Variants in BRIP1 observed in about 807,000 individuals in gnomAD.
BRIP1 encodes Fanconi anemia group J protein.
Under a neutral mutation model 119.7 loss-of-function variants are expected in BRIP1, and 88 were observed. That is an observed-to-expected ratio of 0.74 (90% confidence interval 0.62 to 0.88). The LOEUF is 0.88. Among genes scored for constraint, BRIP1 ranks in the 40% least tolerant of loss-of-function variants. BRIP1 has a pLI of 0.00. For synonymous variants in BRIP1, 443 were observed against 496.5 expected, an observed-to-expected ratio of 0.89 and a Z score of 1.43; for missense variants, 1,259 against 1,455.4, an observed-to-expected ratio of 0.87 and a Z score of 2.20.
intron 18 of BRIP1, among the ~76,000 whole-genome samples, chr17:61,688,106 G>T (rs1472586245): frequency 6.6e-6 from 1 of 152,132 alleles, no homozygotes; most frequent in Non-Finnish European, 1.5e-5. Flanking sequence ...GAGCTGTCTA[G>T]GGACTCGTTT....
rs1204992790 is a variant in BRIP1, at chr17:61,734,171, A to T, written c.2379+8842T>A. ...AATTGGAGAGGTGGATGCCTCAATTATAAAGCTGAATACTCCTGTGGTTGT... is the reference window on the plus strand; with the variant it reads ...AATTGGAGAGGTGGATGCCTCAATTTTAAAGCTGAATACTCCTGTGGTTGT... On this transcript the variant is annotated intron_variant, in intron 16 of 19. Coordinates refer to ENST00000259008, the MANE Select transcript of BRIP1 (RefSeq NM_032043.3). The surrounding 1 kb of genome is among the most constrained non-coding windows in gnomAD (Gnocchi z 5.2). 6.6e-6 allele frequency among the ~76,000 whole-genome samples: 1 copy of T among 152,232 alleles called. No homozygotes were observed. Among genetic ancestry groups the T allele is most frequent in the African/African-American group, 2.4e-5 (1 of 41,474 alleles).
chr17:61,798,995 G>C lies in BRIP1; in HGVS notation c.1340+105C>G. 3 of 1,057,988 alleles carry C rather than the reference G, an allele frequency of 2.8e-6. No homozygotes were observed. The highest frequency in any genetic ancestry group is 1.4e-6 in the Non-Finnish European group (1 of 689,854). 65.5% of individuals were successfully genotyped at this position (1,057,988 alleles called of 1,614,324 possible). A position where few individuals can be genotyped will look rare whatever the true frequency, so the allele number is the denominator to read the frequency against. ...TGGCAAGGAACAATTCATTTCCCAA[G>C]AAGCCTAGTTAACCAAAGTTTACTA... is the stretch of plus-strand genomic sequence containing the variant. On this transcript the variant is annotated intron_variant, in intron 9 of 19. Transcript: ENST00000259008. This position sits in a 1 kb window ranked among gnomAD's most constrained non-coding sequence, Gnocchi z 5.5.
At position 61,691,099 on chromosome 17, in the gene BRIP1, G is replaced by C. The variant is rs1010163973; in HGVS notation, c.2575+2331C>G. On this transcript the variant is annotated intron_variant, in intron 18 of 19. Coordinates refer to ENST00000259008, the MANE Select transcript of BRIP1 (RefSeq NM_032043.3). The surrounding 1 kb of genome is among the most constrained non-coding windows in gnomAD (Gnocchi z 5.0). Reference sequence around the variant, plus strand: ...GGGCCTGTTGTGGGGTGGGGGGAGAGGGGGGAGGGATAGCATTAGGAGATA... The same window carrying C: ...GGGCCTGTTGTGGGGTGGGGGGAGACGGGGGAGGGATAGCATTAGGAGATA... Among the ~76,000 whole-genome samples, 18 of 149,048 alleles carry C rather than the reference G, an allele frequency of 1.2e-4. No individual in the cohort carries two copies. In the East Asian group the frequency reaches 3.4e-3, roughly 28 times the overall value.
intron 17 of BRIP1, among the ~76,000 whole-genome samples, chr17:61,696,616 T>G (rs1173347952): frequency 6.8e-6 from 1 of 146,084 alleles, no homozygotes; most frequent in Admixed American, 7.0e-5. Flanking sequence ...ACCTGGGAGG[T>G]AGAGGTTGCA....
Position 61,709,009 on chromosome 17 carries a change from A to T in BRIP1, c.2492+6942T>A, listed in dbSNP as rs945691468. Among the ~76,000 whole-genome samples the T allele has an allele frequency of 6.6e-6, 1 of 152,218 alleles. No homozygotes were observed. Among genetic ancestry groups the T allele is most frequent in the Admixed American group, 6.5e-5 (1 of 15,278 alleles). On this transcript the variant is annotated intron_variant, in intron 17 of 19. Coordinates refer to ENST00000259008, the MANE Select transcript of BRIP1 (RefSeq NM_032043.3). The surrounding 1 kb of genome is among the most constrained non-coding windows in gnomAD (Gnocchi z 5.0). ...AGCTGTGCCTGGTGTTGAAGAATAC[A>T]GAGTCTCTGTTGTTCAACCTTTCCA... is the stretch of plus-strand genomic sequence containing the variant.
chr17:61,786,440 T>A (rs1303982280), intron 10 of BRIP1, among the ~76,000 whole-genome samples: 2 of 151,830 alleles, frequency 1.3e-5, no homozygotes, highest in Admixed American at 1.3e-4. Context: ...GAGGAATGCT[T>A]TTCTCAACAG....
At position 61,768,310 on chromosome 17, in the gene BRIP1, A is replaced by T. The variant is rs749319590; in HGVS notation, c.2097+8091T>A. Among the ~76,000 whole-genome samples, 163 of 152,226 alleles carry T rather than the reference A, an allele frequency of 1.1e-3. No homozygotes were observed. Among genetic ancestry groups the T allele is most frequent in the Admixed American group, 3.8e-3 (58 of 15,280 alleles). ...TATTTTGGTATTTTAAAGAAATTCA[A>T]CTAAAGATATTTAAAGTTCTTTCTC... On this transcript the variant is annotated intron_variant, in intron 14 of 19. Coordinates refer to ENST00000259008, the MANE Select transcript of BRIP1 (RefSeq NM_032043.3). The surrounding 1 kb of genome is among the most constrained non-coding windows in gnomAD (Gnocchi z 5.0).
intron 10 of BRIP1, among the ~76,000 whole-genome samples, chr17:61,791,041 A>G (rs2077808312): frequency 6.6e-6 from 1 of 152,240 alleles, no homozygotes; most frequent in Non-Finnish European, 1.5e-5. Context: ...TGCATTTTAT[A>G]AATGCAGGGC....
chr17:61,718,259 A>G (rs1199155712), intron 16 of BRIP1, among the ~76,000 whole-genome samples: 1 of 152,216 alleles, frequency 6.6e-6, no homozygotes, highest in African/African-American at 2.4e-5. Flanking sequence ...CAATTAGGGT[A>G]CTTGGAACCA....
chr17:61,708,814 A>G lies in BRIP1; in HGVS notation c.2492+7137T>C, dbSNP rs2061731466. On this transcript the variant is annotated intron_variant, in intron 17 of 19. Transcript: ENST00000259008. The surrounding 1 kb of genome is among the most constrained non-coding windows in gnomAD (Gnocchi z 4.4). ...GCAGGAACTGGGCCAATTTGTAGAT[A>G]TTTTCTCATGGGGTGGTCAGTTTCC... Among the ~76,000 whole-genome samples the G allele has an allele frequency of 6.6e-6, 1 of 151,950 alleles. No individual in the cohort carries two copies. Among genetic ancestry groups the G allele is most frequent in the Admixed American group, 6.6e-5 (1 of 15,250 alleles).
intron 6 of BRIP1, among the ~76,000 whole-genome samples, chr17:61,840,962 T>C (rs1470337053): frequency 6.6e-6 from 1 of 151,976 alleles, no homozygotes; most frequent in Non-Finnish European, 1.5e-5. Flanking sequence ...CAAGAACACA[T>C]ATCGGGGAAA....
intron 14 of BRIP1, among the ~76,000 whole-genome samples, chr17:61,765,830 C>CACACAT (rs1491148371): frequency 3.8e-4 from 2 of 5,320 alleles, no homozygotes; most frequent in African/African-American, 5.7e-3. Flanking sequence ...TATATTCATG[C>CACACAT]ACACACACAC....
intron 17 of BRIP1, among the ~76,000 whole-genome samples, chr17:61,694,448 T>C (rs1383088134): frequency 6.6e-6 from 1 of 152,164 alleles, no homozygotes; most frequent in Non-Finnish European, 1.5e-5. Context: ...ATGTTTCCAC[T>C]TTTTGGCTAG....
intron 16 of BRIP1, among the ~76,000 whole-genome samples, chr17:61,737,553 A>C (rs367927405): frequency 1.3e-5 from 2 of 152,222 alleles, no homozygotes; most frequent in East Asian, 3.8e-4. Context: ...GGACTGCATT[A>C]GAATTTTAAA....
chr17:61,853,316 C>T lies in BRIP1; in HGVS notation c.379+3742G>A, dbSNP rs759157111. ...ATGGTCACAGGAGGACAAGAATTACCTATGGAAAGAAGGGACAGTGACTGA... is the reference window on the plus strand; with the variant it reads ...ATGGTCACAGGAGGACAAGAATTACTTATGGAAAGAAGGGACAGTGACTGA... On this transcript the variant is annotated intron_variant, in intron 4 of 19. Coordinates refer to ENST00000259008, the MANE Select transcript of BRIP1 (RefSeq NM_032043.3). This position sits in a 1 kb window ranked among gnomAD's most constrained non-coding sequence, Gnocchi z 4.3. Among the ~76,000 whole-genome samples, 2 of 151,484 alleles carry T rather than the reference C, an allele frequency of 1.3e-5. No homozygotes were observed. The highest frequency in any genetic ancestry group is 2.4e-5 in the African/African-American group (1 of 41,220).
intron 6 of BRIP1, among the ~76,000 whole-genome samples, chr17:61,829,014 C>T (rs1280687329): frequency 1.3e-5 from 2 of 151,792 alleles, no homozygotes; most frequent in African/African-American, 4.8e-5. Context: ...AAAGTAGAAT[C>T]CTAAAACATG....
At position 61,742,307 on chromosome 17, in the gene BRIP1, A is replaced by G. The variant is rs9897450; in HGVS notation, c.2379+706T>C. On this transcript the variant is annotated intron_variant, in intron 16 of 19. Coordinates refer to ENST00000259008, the MANE Select transcript of BRIP1 (RefSeq NM_032043.3). This position sits in a 1 kb window ranked among gnomAD's most constrained non-coding sequence, Gnocchi z 4.7. ...CTTTCCAGACACTAAACCTTTCTCT[A>G]TATCAGTAATAAGACTGTTTGCTTA... Among the ~76,000 whole-genome samples the G allele has an allele frequency of 0.73, 110,975 of 152,076 alleles. 41,113 individuals are homozygous for G. The highest frequency in any genetic ancestry group is 0.81 in the Middle Eastern group (239 of 294).
Position 61,824,782 on chromosome 17 carries a change from G to A in BRIP1, c.628-16025C>T, listed in dbSNP as rs1377918748. 6.6e-6 allele frequency among the ~76,000 whole-genome samples: 1 copy of A among 152,104 alleles called. No homozygotes were observed. Among genetic ancestry groups the A allele is most frequent in the East Asian group, 1.9e-4 (1 of 5,196 alleles). The stretch of plus-strand genomic sequence containing the variant: ...AAATTAAAAACGTTTATGTATCATA[G>A]ACCACCATCAACAGAGTAAAAATGC... On this transcript the variant is annotated intron_variant, in intron 6 of 19. Coordinates refer to ENST00000259008, the MANE Select transcript of BRIP1 (RefSeq NM_032043.3). This position sits in a 1 kb window ranked among gnomAD's most constrained non-coding sequence, Gnocchi z 4.3.
Position 61,757,942 on chromosome 17 carries a change from A to C in BRIP1, c.2098-13351T>G, listed in dbSNP as rs1005798732. ...AGGGAGGTAAAGACTACAGTGAGCC[A>C]GTGATTGTACCACCACATTCTAGCC... On this transcript the variant is annotated intron_variant, in intron 14 of 19. Transcript: ENST00000259008. This position sits in a 1 kb window ranked among gnomAD's most constrained non-coding sequence, Gnocchi z 4.3. Among the ~76,000 whole-genome samples, 1 of 151,988 alleles carries C rather than the reference A, an allele frequency of 6.6e-6. No homozygotes were observed. Among genetic ancestry groups the C allele is most frequent in the Non-Finnish European group, 1.5e-5 (1 of 67,962 alleles).
Sources: gnomAD v4.1 joint callset for allele counts (sites outside exome capture counted in the v4.1 genomes callset) on GRCh38, gnomAD v4.1.1 for gene constraint, Gnocchi (gnomAD v3.1) non-coding constraint, MANE v1.5 for transcripts, NCBI Gene and HGNC (gene_info 2026-07-23, HGNC 2026-07-21) for gene names.